CFAP95: variants seen among roughly 807,000 people sequenced by gnomAD.
The protein encoded by CFAP95 is cilia- and flagella-associated protein 95.
At chr9:69,835,248 A>G in the CFAP95 span, among the ~76,000 whole-genome samples, 1 of 152,242 alleles carries the variant, frequency 6.6e-6, no homozygotes, top group Admixed American at 6.5e-5. Context: ...ATATCCTGCC[A>G]TCTGGAGTCT....
chr9:69,870,243 G>A, the CFAP95 span, among the ~76,000 whole-genome samples: 5 of 152,010 alleles, frequency 3.3e-5, no homozygotes, highest in African/African-American at 7.2e-5. Context: ...GTTAGGCACC[G>A]GGAATATAGA....
the CFAP95 span, among the ~76,000 whole-genome samples, chr9:69,882,387 T>C: frequency 6.6e-6 from 1 of 152,242 alleles, no homozygotes; most frequent in Non-Finnish European, 1.5e-5. Context: ...TCATGTCATG[T>C]GCAAACAAGG....
chr9:69,867,471 G>A, the CFAP95 span, among the ~76,000 whole-genome samples: 1 of 152,156 alleles, frequency 6.6e-6, no homozygotes, highest in Non-Finnish European at 1.5e-5. Context: ...GCATTATGAA[G>A]ATAGGCTTAT....
chr9:69,886,867 A>G, the CFAP95 span: 5 of 1,613,064 alleles, frequency 3.1e-6, no homozygotes, highest in African/African-American at 1.3e-5. Flanking sequence ...TCAGAAGATT[A>G]TGTTCCACCA....
At chr9:69,860,143 T>G in the CFAP95 span, among the ~76,000 whole-genome samples, 2 of 152,188 alleles carry the variant, frequency 1.3e-5, no homozygotes, top group Non-Finnish European at 2.9e-5. Context: ...CATTTGTCCA[T>G]TTTGCATTGC....
the CFAP95 span, chr9:69,905,999 C>T: frequency 2.2e-5 from 36 of 1,611,482 alleles, no homozygotes; most frequent in Non-Finnish European, 2.9e-5. Context: ...CAGAAAATGC[C>T]GTTCTCAGTT....
the CFAP95 span, among the ~76,000 whole-genome samples, chr9:69,860,471 C>T: frequency 2.6e-5 from 4 of 152,138 alleles, no homozygotes; most frequent in African/African-American, 9.7e-5. Context: ...CGGACCCCAC[C>T]TCCAACATTG....
the CFAP95 span, among the ~76,000 whole-genome samples, chr9:69,891,457 G>A: frequency 6.6e-6 from 1 of 151,090 alleles, no homozygotes; most frequent in East Asian, 1.9e-4. Flanking sequence ...TTACAACTGA[G>A]TTGATATAAA....
chr9:69,884,011 T>A, the CFAP95 span, among the ~76,000 whole-genome samples: 1 of 152,236 alleles, frequency 6.6e-6, no homozygotes, highest in Non-Finnish European at 1.5e-5. Flanking sequence ...TTCTTCTTTT[T>A]TGATGTAGGC....
chr9:69,839,227 A>G, the CFAP95 span, among the ~76,000 whole-genome samples: 1 of 133,524 alleles, frequency 7.5e-6, no homozygotes, highest in Non-Finnish European at 1.6e-5. Flanking sequence ...TGGCTTTGGT[A>G]TCAGAATGAT....
chr9:69,862,139 G>C, the CFAP95 span, among the ~76,000 whole-genome samples: 1 of 152,182 alleles, frequency 6.6e-6, no homozygotes, highest in East Asian at 1.9e-4. Context: ...TATCTCCTGA[G>C]TTAATAGATT....
chr9:69,873,772 A>G, the CFAP95 span, among the ~76,000 whole-genome samples: 3 of 152,148 alleles, frequency 2.0e-5, no homozygotes, highest in Non-Finnish European at 4.4e-5. Context: ...CATCTAGACA[A>G]AACAGAAAAG....
chr9:69,879,051 A>G, the CFAP95 span, among the ~76,000 whole-genome samples: 96,774 of 151,958 alleles, frequency 0.64, 31,159 homozygotes, highest in East Asian at 0.82. Flanking sequence ...ATCTGCCTCC[A>G]TGACCCAAAC....
At chr9:69,871,439 T>C in the CFAP95 span, among the ~76,000 whole-genome samples, 1 of 152,092 alleles carries the variant, frequency 6.6e-6, no homozygotes, top group Non-Finnish European at 1.5e-5. Flanking sequence ...ATCAGATTTG[T>C]GTTTAGAAAA....
the CFAP95 span, among the ~76,000 whole-genome samples, chr9:69,860,231 G>A: frequency 6.6e-6 from 1 of 152,204 alleles, no homozygotes; most frequent in Non-Finnish European, 1.5e-5. Context: ...GGCTGTGCAA[G>A]CATGGCATCA....
chr9:69,888,968 T>C, the CFAP95 span, among the ~76,000 whole-genome samples: 1 of 152,188 alleles, frequency 6.6e-6, no homozygotes, highest in East Asian at 1.9e-4. Context: ...ATAAAATTCA[T>C]ATGCAAATAC....
At chr9:69,893,299 A>C in the CFAP95 span, among the ~76,000 whole-genome samples, 2 of 152,218 alleles carry the variant, frequency 1.3e-5, no homozygotes, top group Admixed American at 1.3e-4. Context: ...GTCCCACGAA[A>C]GGGTCAAGGG....
the CFAP95 span, among the ~76,000 whole-genome samples, chr9:69,848,885 GA>G: frequency 2.0e-5 from 3 of 152,176 alleles, no homozygotes; most frequent in Non-Finnish European, 2.9e-5. Flanking sequence ...AGAGTCACCA[GA>G]AACGCCCCGG....
At chr9:69,880,782 T>C in the CFAP95 span, among the ~76,000 whole-genome samples, 1 of 152,200 alleles carries the variant, frequency 6.6e-6, no homozygotes, top group Non-Finnish European at 1.5e-5. Context: ...TACAACAGTA[T>C]ATAAGGGTTT....
Sources: allele counts gnomAD v4.1 joint callset (sites outside exome capture counted in the v4.1 genomes callset), GRCh38; gene constraint gnomAD v4.1.1; transcripts MANE v1.5; gene names NCBI Gene and HGNC (gene_info 2026-07-23, HGNC 2026-07-21).